The following SLC7A5 variants were observed in gnomAD, a reference collection of about 807,000 sequenced individuals.
SLC7A5 encodes the protein large neutral amino acids transporter small subunit 1.
A neutral mutation model predicts 50.2 loss-of-function variants in SLC7A5; 23 were observed. The ratio of observed to expected loss-of-function variants is 0.46; its 90% CI spans 0.33 to 0.65. The LOEUF (loss-of-function observed/expected upper bound fraction) is 0.65, where lower values mean the gene tolerates loss of function less well. SLC7A5 is among the 30% of genes least tolerant of loss of function. SLC7A5 has a pLI of 0.02. For synonymous variants in SLC7A5, 393 were observed against 330.6 expected, an observed-to-expected ratio of 1.19 and a Z score of -2.05; for missense variants, 578 against 684.4, an observed-to-expected ratio of 0.84 and a Z score of 1.73.
Position 87,861,906 on chromosome 16 carries a change from C to T in SLC7A5, c.538+6979G>A, listed in dbSNP as rs376475488. Reference sequence around the variant, plus strand: ...TAGGTGCCGGCGGCACTTTCATGTGCGGCTGGGAAAGTCAGATTTCAGCAC... The same window carrying T: ...TAGGTGCCGGCGGCACTTTCATGTGTGGCTGGGAAAGTCAGATTTCAGCAC... On this transcript the variant is annotated intron_variant, in intron 1 of 9. Coordinates refer to ENST00000261622, the MANE Select transcript of SLC7A5 (RefSeq NM_003486.7). The surrounding 1 kb of genome is among the most constrained non-coding windows in gnomAD (Gnocchi z 4.2). Among the ~76,000 whole-genome samples the T allele has an allele frequency of 3.9e-5, 6 of 152,186 alleles. No individual in the cohort carries two copies. The highest frequency in any genetic ancestry group is 7.4e-5 in the Non-Finnish European group (5 of 68,026).
intron 1 of SLC7A5, among the ~76,000 whole-genome samples, chr16:87,863,986 A>AAAATATATATATATAT (rs376938738): frequency 4.8e-4 from 40 of 83,278 alleles, no homozygotes; most frequent in East Asian, 2.3e-3. Flanking sequence ...ATCATTTAAA[A>AAAATATATATATATAT]ATATATATAT....
chr16:87,854,620 C>T lies in SLC7A5; in HGVS notation c.539-2771G>A, dbSNP rs1391829817. Among the ~76,000 whole-genome samples, 3 of 152,244 alleles carry T rather than the reference C, an allele frequency of 2.0e-5. No individual in the cohort carries two copies. The East Asian group carries it at 5.8e-4, about 29-fold the overall frequency. On this transcript the variant is annotated intron_variant, in intron 1 of 9. Transcript: ENST00000261622. ...CCTGAGTCAGAGTGAGGGGGCTGAG[C>T]ACACAGGGCCAGCCACCCCCAGATA...
chr16:87,855,887 C>T (rs4366714), intron 1 of SLC7A5, among the ~76,000 whole-genome samples: 56,856 of 151,814 alleles, frequency 0.37, 11,760 homozygotes, highest in East Asian at 0.79. Context: ...CAGGAGCATC[C>T]GTGGATAGGG....
chr16:87,838,661 C>T (rs2055043045), intron 6 of SLC7A5, 53 bp downstream of exon 6: 2 of 1,323,376 alleles, frequency 1.5e-6, no homozygotes, highest in East Asian at 2.3e-5. Flanking sequence ...CATGTTGAAC[C>T]TGGCCATGAG....
chr16:87,847,645 C>T (rs2055170434), intron 2 of SLC7A5, among the ~76,000 whole-genome samples: 1 of 152,176 alleles, frequency 6.6e-6, no homozygotes, highest in Non-Finnish European at 1.5e-5. Context: ...TGCTGTCCAC[C>T]CGAACGCACC....
chr16:87,838,927 G>A (rs936385027), intron 5 of SLC7A5, 110 bp from the exon 6 acceptor site: 7 of 809,508 alleles, frequency 8.6e-6, no homozygotes, highest in Non-Finnish European at 1.3e-5. Context: ...GTGCTCACAA[G>A]AGCCCTCTGC....
intron 7 of SLC7A5, among the ~76,000 whole-genome samples, chr16:87,837,009 C>G (rs2055014850): frequency 6.6e-6 from 1 of 152,234 alleles, no homozygotes; most frequent in Admixed American, 6.5e-5. Flanking sequence ...ACAACCTGAC[C>G]TAACCCAGTG....
At chr16:87,857,924 T>C (rs978320896) in intron 1 of SLC7A5, among the ~76,000 whole-genome samples, 8 of 152,364 alleles carry the variant, frequency 5.3e-5, no homozygotes, top group African/African-American at 1.9e-4. Flanking sequence ...ACATTCATTT[T>C]AAACAGGCCA....
At chr16:87,850,038 G>T (rs1054727068) in intron 2 of SLC7A5, among the ~76,000 whole-genome samples, 2 of 152,228 alleles carry the variant, frequency 1.3e-5, no homozygotes, top group Admixed American at 1.3e-4. Flanking sequence ...GGTGAGGTCA[G>T]TATAGCCCGG....
Position 87,837,742 on chromosome 16 carries a change from C to G in SLC7A5, c.1140+103G>C, listed in dbSNP as rs1166155860. ...AGGAGGCCACATTTGAGCTGTCACC[C>G]AGTCCACACCCCAGACAGAGCTGCA... is the stretch of plus-strand genomic sequence containing the variant. On this transcript the variant is annotated intron_variant, in intron 7 of 9. Coordinates refer to ENST00000261622, the MANE Select transcript of SLC7A5 (RefSeq NM_003486.7). 3.3e-6 allele frequency: 3 copies of G among 914,990 alleles called. No homozygotes were observed. The African/African-American group carries it at 4.9e-5, about 15-fold the overall frequency. 56.7% of individuals were successfully genotyped at this position (914,990 alleles called of 1,614,324 possible).
rs749281638 is a variant in SLC7A5, at chr16:87,839,914, G to T, written c.816-89C>A. 13 of 1,553,140 alleles carry T rather than the reference G, an allele frequency of 8.4e-6. No homozygotes were observed. In the Middle Eastern group the frequency reaches 5.0e-4, roughly 60 times the overall value. On this transcript the variant is annotated intron_variant, in intron 4 of 9. Coordinates refer to ENST00000261622, the MANE Select transcript of SLC7A5 (RefSeq NM_003486.7). The stretch of plus-strand genomic sequence containing the variant: ...CAGGAGCCAGGTGGGCTCCTCGCAA[G>T]CAGTAGCTCCAGCCTCTGTGCTGGG...
At chr16:87,838,075 G>A (rs1387665379) in intron 6 of SLC7A5, 134 bp from the exon 7 acceptor site, 5 of 737,582 alleles carry the variant, frequency 6.8e-6, no homozygotes, top group African/African-American at 5.2e-5. Context: ...TGGGAACCAG[G>A]CCCCTCCAGC....
intron 1 of SLC7A5, among the ~76,000 whole-genome samples, chr16:87,856,529 C>T (rs1449726664): frequency 6.6e-6 from 1 of 152,226 alleles, no homozygotes; most frequent in East Asian, 1.9e-4. Flanking sequence ...AGCCCAGTCC[C>T]GCCCAGTGCA....
intron 4 of SLC7A5, 103 bp downstream of exon 4, chr16:87,840,326 G>T: frequency 1.9e-6 from 2 of 1,081,004 alleles, no homozygotes; most frequent in Non-Finnish European, 2.9e-6. Flanking sequence ...GCCCGACTGT[G>T]AACTGGCCTG....
rs60307560 is a variant in SLC7A5, at chr16:87,843,347, CTTTTTTTTTTTTTTTTTTTTTTT to C, written c.665-2215_665-2193del. The stretch of plus-strand genomic sequence containing the variant: ...ATTGGCAGCCCTAAGGCCTGAGTAA[CTTTTTTTTTTTTTTTTTTTTTTT>C]TTTTTTTTTTTTTTTTGAGACAGAG... On this transcript the variant is annotated intron_variant, in intron 2 of 9. Transcript: ENST00000261622. Among the ~76,000 whole-genome samples, 35 of 63,322 alleles carry C rather than the reference CTTTTTTTTTTTTTTTTTTTTTTT, an allele frequency of 5.5e-4. No individual in the cohort carries two copies. The East Asian group carries it at 5.8e-3, about 10-fold the overall frequency. The allele number at this position is 63,322 out of a possible 152,430, so 41.5% of individuals were successfully genotyped here.
In SLC7A5 at chr16:87,857,906, G is replaced by C. The variant is rs572226954; in HGVS notation, c.539-6057C>G. On this transcript the variant is annotated intron_variant, in intron 1 of 9. Coordinates refer to ENST00000261622, the MANE Select transcript of SLC7A5 (RefSeq NM_003486.7). ...GAGGTGTCAGCTGCTGTCCAGAATGGGGCTGACACATTCATTTTAAACAGG... is the reference window on the plus strand; with the variant it reads ...GAGGTGTCAGCTGCTGTCCAGAATGCGGCTGACACATTCATTTTAAACAGG... 2.0e-5 allele frequency among the ~76,000 whole-genome samples: 3 copies of C among 152,300 alleles called. No individual in the cohort carries two copies. In the South Asian group the frequency reaches 6.2e-4, roughly 32 times the overall value.
chr16:87,834,306 C>T (rs1047437946), intron 9 of SLC7A5, 108 bp downstream of exon 9: 1 of 1,114,294 alleles, frequency 9.0e-7, no homozygotes, highest in African/African-American at 1.5e-5. Flanking sequence ...ACCCTCCTGC[C>T]ACCCAACACG....
intron 7 of SLC7A5, chr16:87,836,854 CG>C: frequency 8.3e-6 from 2 of 241,630 alleles, no homozygotes; most frequent in East Asian, 7.7e-5. Flanking sequence ...AGGGAAGAGG[CG>C]GGGAGGAGGG....
intron 1 of SLC7A5, among the ~76,000 whole-genome samples, chr16:87,865,731 T>C (rs1318500202): frequency 1.3e-5 from 2 of 151,992 alleles, no homozygotes; most frequent in Non-Finnish European, 2.9e-5. Flanking sequence ...AAAAATAAAT[T>C]TAAAAAATAC....
Sources: gnomAD v4.1 joint callset for allele counts (sites outside exome capture counted in the v4.1 genomes callset) on GRCh38, gnomAD v4.1.1 for gene constraint, Gnocchi (gnomAD v3.1) non-coding constraint, MANE v1.5 for transcripts, NCBI Gene and HGNC (gene_info 2026-07-23, HGNC 2026-07-21) for gene names.